The following DENR variants were observed in gnomAD, a reference collection of about 807,000 sequenced individuals.
DENR encodes the protein density-regulated protein.
DENR carries 6 observed loss-of-function variants against 30.6 expected under a neutral mutation model. The observed-to-expected ratio is 0.20, with a 90% CI of 0.11 to 0.39. DENR has a LOEUF of 0.39. Ranked by LOEUF, DENR falls within the 10% of genes least tolerant of loss-of-function variation. The pLI, the probability that DENR is intolerant of heterozygous loss-of-function variation, is 1.00. For missense variants in DENR, 141 were observed against 230.9 expected, an observed-to-expected ratio of 0.61 and a Z score of 2.52; for synonymous variants, 78 against 72.1, an observed-to-expected ratio of 1.08 and a Z score of -0.41.
chr12:122,768,509 T>A (rs544958252), intron 6 of DENR, among the ~76,000 whole-genome samples: 1 of 149,334 alleles, frequency 6.7e-6, no homozygotes, highest in Non-Finnish European at 1.5e-5. Flanking sequence ...AAAAAAAAAA[T>A]GAATAAAGTG....
intron 2 of DENR, among the ~76,000 whole-genome samples, chr12:122,755,831 G>C (rs973734958): frequency 6.6e-6 from 1 of 152,150 alleles, no homozygotes; most frequent in East Asian, 1.9e-4. Context: ...AACAGTACAG[G>C]CTTCCACTTA....
intron 6 of DENR, 105 bp from the exon 7 acceptor site, chr12:122,768,677 C>A: frequency 9.7e-7 from 1 of 1,029,242 alleles, no homozygotes; most frequent in Non-Finnish European, 1.4e-6. Flanking sequence ...AACCCATTAA[C>A]AATCTGTTTT....
At chr12:122,765,220 A>T in intron 4 of DENR, 84 bp from the exon 5 acceptor site, 1 of 1,053,384 alleles carries the variant, frequency 9.5e-7, no homozygotes, top group Non-Finnish European at 1.4e-6. Flanking sequence ...CCTTATTTGT[A>T]TATGAGGTTG....
chr12:122,764,674 A>G (rs946882678), intron 4 of DENR, among the ~76,000 whole-genome samples: 10 of 152,170 alleles, frequency 6.6e-5, no homozygotes, highest in African/African-American at 2.4e-4. Flanking sequence ...TCTCATATTG[A>G]TGGCTTCTCT....
At chr12:122,766,421 T>C (rs1878851631) in intron 5 of DENR, among the ~76,000 whole-genome samples, 1 of 152,320 alleles carries the variant, frequency 6.6e-6, no homozygotes, top group African/African-American at 2.4e-5. Flanking sequence ...TAGGCCCACT[T>C]ACTTCTCATT....
At chr12:122,755,620 C>A (rs1376025778) in intron 2 of DENR, among the ~76,000 whole-genome samples, 1 of 152,124 alleles carries the variant, frequency 6.6e-6, no homozygotes, top group African/African-American at 2.4e-5. Context: ...AAAACTGATA[C>A]ATTTATTTTA....
rs1303108520 is a variant in DENR, at chr12:122,765,307, A to G, written c.215A>G (p.Asn72Ser). ...PNEFAKLTVE[N>S]SPKQEAGISE... ...TGTATTTCACTTTTATATCTAGAAA[A>G]TTCACCCAAACAAGAAGCTGGAATT... Residue 72 changes from asparagine (N) to serine (S), a missense_variant, in exon 5 of 8, where the codon AAT becomes AGT. Transcript: ENST00000280557. The G allele has an allele frequency of 2.1e-5, 32 of 1,551,016 alleles. No individual in the cohort carries two copies. Among genetic ancestry groups the G allele is most frequent in the Non-Finnish European group, 2.8e-5 (32 of 1,146,714 alleles).
rs957941256 is a variant in DENR at position 122,767,410 on chromosome 12, T to C, written c.296-78T>C. 1.2e-5 allele frequency: 11 copies of C among 916,812 alleles called. No individual in the cohort carries two copies. The African/African-American group carries it at 1.7e-4, about 14-fold the overall frequency. 56.8% of individuals were successfully genotyped at this position (916,812 alleles called of 1,614,324 possible). ...TAGAGAAAAAGAAACTTAAACCTTT[T>C]GAGAATTAATAAATTTAAAGACAGT... On this transcript the variant is annotated intron_variant, in intron 5 of 7. Coordinates refer to ENST00000280557, the MANE Select transcript of DENR (RefSeq NM_003677.5).
intron 5 of DENR, 93 bp downstream of exon 5, chr12:122,765,480 A>G: frequency 2.2e-5 from 25 of 1,148,868 alleles, no homozygotes; most frequent in Non-Finnish European, 3.1e-5. Context: ...AGCTAGGCAC[A>G]ATGGTGGGCG....
intron 1 of DENR, among the ~76,000 whole-genome samples, 151 bp from the exon 2 acceptor site, chr12:122,753,542 A>G (rs938887373): frequency 2.6e-5 from 4 of 152,174 alleles, no homozygotes; most frequent in Non-Finnish European, 4.4e-5. Flanking sequence ...GGGATTGCTC[A>G]TATTTTATGA....
rs1297316192 is a variant in DENR, at chr12:122,770,449, G to A, written c.*1371G>A. 1.3e-5 allele frequency: 5 copies of A among 395,070 alleles called. No individual in the cohort carries two copies. Among genetic ancestry groups the A allele is most frequent in the East Asian group, 3.6e-5 (1 of 27,864 alleles). 24.5% of individuals were successfully genotyped at this position (395,070 alleles called of 1,614,324 possible). ...CATCATCTGCTCTGAGTGGAAGGCC[G>A]TTCAGAGAGGCTAGAGGTTCTTATT... On this transcript the variant is annotated 3_prime_UTR_variant, in exon 8 of 8. Coordinates refer to ENST00000280557, the MANE Select transcript of DENR (RefSeq NM_003677.5).
At chr12:122,761,896 T>C (rs971898059) in intron 2 of DENR, among the ~76,000 whole-genome samples, 1 of 152,220 alleles carries the variant, frequency 6.6e-6, no homozygotes, top group African/African-American at 2.4e-5. Context: ...TTTGACCCAC[T>C]GAAATGGTTA....
rs748363220 is a variant in DENR, at chr12:122,753,780, T to C, written c.79T>C (p.Tyr27His). The C allele has an allele frequency of 1.3e-5, 21 of 1,613,876 alleles. No homozygotes were observed. In the Admixed American group the frequency reaches 2.8e-4, roughly 22 times the overall value. Reference protein sequence around the residue: ...PRNSAKLDADYPLRVLYCGVC... With the variant: ...PRNSAKLDADHPLRVLYCGVC... ...GAACAGTGCCAAGTTAGATGCCGAT[T>C]ACCCACTTCGAGTCCTTTATTGTGG... is the stretch of plus-strand genomic sequence containing the variant. Residue 27 changes from tyrosine to histidine, a missense_variant, in exon 2 of 8, where the codon TAC becomes CAC. Around this residue, in one of 2 missense-constraint regions of DENR, gnomAD observed 104 missense variants for 138.3 expected, o/e 0.75. Transcript: ENST00000280557.
chr12:122,770,586 A>G lies in DENR; in HGVS notation c.*1508A>G. 2.5e-6 allele frequency: 1 copy of G among 398,468 alleles called. No homozygotes were observed. Among genetic ancestry groups the G allele is most frequent in the Non-Finnish European group, 4.4e-6 (1 of 226,008 alleles). The allele number at this position is 398,468 out of a possible 1,614,324, so 24.7% of individuals were successfully genotyped here. ...ATTGAAACATGTCTTCTCACAAGAGAAAATGACAGTTTTAATGATGTATTT... is the reference window on the plus strand; with the variant it reads ...ATTGAAACATGTCTTCTCACAAGAGGAAATGACAGTTTTAATGATGTATTT... On this transcript the variant is annotated 3_prime_UTR_variant, in exon 8 of 8. Coordinates refer to ENST00000280557, the MANE Select transcript of DENR (RefSeq NM_003677.5).
At chr12:122,759,339 T>A (rs1878635519) in intron 2 of DENR, among the ~76,000 whole-genome samples, 1 of 152,158 alleles carries the variant, frequency 6.6e-6, no homozygotes, top group South Asian at 2.1e-4. Flanking sequence ...AAGTAAGTGA[T>A]CTGTAAAGAG....
chr12:122,757,810 G>C (rs564328001), intron 2 of DENR, among the ~76,000 whole-genome samples: 1 of 152,176 alleles, frequency 6.6e-6, no homozygotes, highest in Non-Finnish European at 1.5e-5. Context: ...GATAATAACT[G>C]TTTGGAAGGA....
At chr12:122,760,489 T>C (rs1387581709) in intron 2 of DENR, among the ~76,000 whole-genome samples, 7 of 150,290 alleles carry the variant, frequency 4.7e-5, no homozygotes, top group Non-Finnish European at 7.4e-5. Context: ...CCCAGCACTT[T>C]GGGAGGCTGA....
chr12:122,753,549 A>G (rs547050164), intron 1 of DENR, 144 bp from the exon 2 acceptor site: 1 of 649,934 alleles, frequency 1.5e-6, no homozygotes, highest in African/African-American at 1.8e-5. Flanking sequence ...CTCATATTTT[A>G]TGAATCGAAT....
chr12:122,759,917 A>T (rs918350219), intron 2 of DENR, among the ~76,000 whole-genome samples: 1 of 152,120 alleles, frequency 6.6e-6, no homozygotes, highest in African/African-American at 2.4e-5. Context: ...GGTGGAAATA[A>T]CCCTAAACTA....
Sources: allele counts gnomAD v4.1 joint callset (sites outside exome capture counted in the v4.1 genomes callset), GRCh38; gene constraint gnomAD v4.1.1; regional missense constraint gnomAD v4.1.1; transcripts MANE v1.5; gene names NCBI Gene and HGNC (gene_info 2026-07-23, HGNC 2026-07-21).